Variants in NKAIN2 observed in about 807,000 individuals in gnomAD.
The protein encoded by NKAIN2 is sodium/potassium-transporting ATPase subunit beta-1-interacting protein 2.
NKAIN2 carries 14 observed loss-of-function variants against 32.6 expected under a neutral mutation model. That is an observed-to-expected ratio of 0.43 (90% CI 0.28 to 0.67). The LOEUF (loss-of-function observed/expected upper bound fraction) is 0.67, where lower values mean the gene tolerates loss of function less well. NKAIN2 is among the 30% of genes least tolerant of loss of function. The pLI is 0.17. For missense variants in NKAIN2, 198 were observed against 258.3 expected (o/e 0.77, Z 1.60); for synonymous variants, 80 against 87.2 (o/e 0.92, Z 0.46).
At chr6:124,069,082 C>A (rs1193828383) in intron 1 of NKAIN2, among the ~76,000 whole-genome samples, 1 of 152,072 alleles carries the variant, frequency 6.6e-6, no homozygotes, top group Admixed American at 6.6e-5. Flanking sequence ...ATTTTGAAAA[C>A]CTCTTTGGTT....
intron 1 of NKAIN2, among the ~76,000 whole-genome samples, chr6:123,946,727 A>C (rs1562271994): frequency 6.6e-6 from 1 of 152,130 alleles, no homozygotes; most frequent in Non-Finnish European, 1.5e-5. Context: ...TTAGATTTCT[A>C]GGGTTGATTT....
intron 1 of NKAIN2, among the ~76,000 whole-genome samples, chr6:124,249,170 A>C (rs192919160): frequency 1.3e-5 from 2 of 152,252 alleles, no homozygotes; most frequent in Non-Finnish European, 2.9e-5. Flanking sequence ...CTGTGTTACT[A>C]TGTAGCCACA....
intron 4 of NKAIN2, among the ~76,000 whole-genome samples, chr6:124,666,620 A>G (rs1038921096): frequency 6.6e-6 from 1 of 152,208 alleles, no homozygotes; most frequent in Non-Finnish European, 1.5e-5. Flanking sequence ...TCAACAGTAT[A>G]CAATTATCAT....
chr6:124,119,308 A>T (rs1355938223), intron 1 of NKAIN2, among the ~76,000 whole-genome samples: 2 of 152,184 alleles, frequency 1.3e-5, no homozygotes, highest in African/African-American at 4.8e-5. Context: ...GTATGTTCCT[A>T]TGTGACTCAT....
chr6:124,394,467 A>G (rs969832818), intron 3 of NKAIN2, among the ~76,000 whole-genome samples: 1 of 146,986 alleles, frequency 6.8e-6, no homozygotes, highest in African/African-American at 2.6e-5. Context: ...AGATAGATAG[A>G]TAGATAGATA....
intron 4 of NKAIN2, among the ~76,000 whole-genome samples, chr6:124,671,418 G>T (rs536842236): frequency 6.6e-6 from 1 of 152,192 alleles, no homozygotes; most frequent in South Asian, 2.1e-4. Context: ...CATCTAAGCT[G>T]TATATAAAAT....
intron 3 of NKAIN2, among the ~76,000 whole-genome samples, chr6:124,389,871 G>A (rs182625503): frequency 5.3e-5 from 8 of 151,962 alleles, no homozygotes; most frequent in Admixed American, 2.0e-4. Context: ...TTCCCTATCC[G>A]TGGCCTCACT....
At position 124,067,866 on chromosome 6, in the gene NKAIN2, C is replaced by G. The variant is rs569727826; in HGVS notation, c.55-215139C>G. On this transcript the variant is annotated intron_variant, in intron 1 of 6. Coordinates refer to ENST00000368417, the MANE Select transcript of NKAIN2 (RefSeq NM_001040214.3). ...TATGTATTGGGCACCTATTTTATGG[C>G]AGGCATGTGCATGTAAGTGTTAGAG... Among the ~76,000 whole-genome samples the G allele has an allele frequency of 2.6e-5, 4 of 152,214 alleles. No individual in the cohort carries two copies. The South Asian group carries it at 8.3e-4, about 32-fold the overall frequency.
intron 1 of NKAIN2, among the ~76,000 whole-genome samples, chr6:123,868,697 G>C (rs908379593): frequency 6.6e-6 from 1 of 152,158 alleles, no homozygotes; most frequent in Non-Finnish European, 1.5e-5. Context: ...GGCAAAGAGA[G>C]AAAAGTTGAT....
chr6:124,345,577 C>T (rs9388322), intron 2 of NKAIN2, among the ~76,000 whole-genome samples: 19,930 of 151,254 alleles, frequency 0.13, 1,413 homozygotes, highest in African/African-American at 0.19. Context: ...GTGTATGTGT[C>T]GAGGAATTTA....
intron 1 of NKAIN2, among the ~76,000 whole-genome samples, chr6:124,280,446 T>C (rs1197044428): frequency 1.3e-5 from 2 of 152,142 alleles, no homozygotes; most frequent in African/African-American, 2.4e-5. Context: ...AAAGGGGCCA[T>C]GCACAGAAGC....
rs895261598 is a variant in NKAIN2 at position 124,721,398 on chromosome 6, C to T, written c.474+63012C>T. Among the ~76,000 whole-genome samples the T allele has an allele frequency of 2.0e-3, 249 of 124,982 alleles. 1 individual carries two copies. Among genetic ancestry groups the T allele is most frequent in the African/African-American group, 7.2e-3 (228 of 31,732 alleles). 82.0% of individuals were successfully genotyped at this position (124,982 alleles called of 152,430 possible). On this transcript the variant is annotated intron_variant, in intron 4 of 6. Coordinates refer to ENST00000368417, the MANE Select transcript of NKAIN2 (RefSeq NM_001040214.3). ...CCGCCTGGGCGACAGAACGAGACTC[C>T]GTCTCAAAAAAAAAAAAAAAAAAGA... is the stretch of plus-strand genomic sequence containing the variant.
intron 3 of NKAIN2, among the ~76,000 whole-genome samples, chr6:124,368,190 C>T (rs1799605176): frequency 6.6e-6 from 1 of 152,112 alleles, no homozygotes; most frequent in African/African-American, 2.4e-5. Flanking sequence ...CAAAAGATCT[C>T]AATTTTCAGG....
intron 3 of NKAIN2, among the ~76,000 whole-genome samples, chr6:124,589,253 A>G (rs1225949158): frequency 3.3e-5 from 5 of 152,240 alleles, no homozygotes; most frequent in African/African-American, 9.6e-5. Context: ...GGTTTTATTC[A>G]TCATCAAGCC....
At chr6:124,088,120 G>C (rs934878812) in intron 1 of NKAIN2, among the ~76,000 whole-genome samples, 2 of 151,948 alleles carry the variant, frequency 1.3e-5, no homozygotes, top group Non-Finnish European at 2.9e-5. Flanking sequence ...CCAAAGATCT[G>C]TATGGCACAA....
intron 3 of NKAIN2, among the ~76,000 whole-genome samples, chr6:124,413,793 A>T (rs1223563373): frequency 6.6e-6 from 1 of 152,120 alleles, no homozygotes; most frequent in Non-Finnish European, 1.5e-5. Context: ...CATATTTTTG[A>T]TCATACTGGA....
At chr6:124,565,110 G>A (rs1313316463) in intron 3 of NKAIN2, among the ~76,000 whole-genome samples, 1 of 152,152 alleles carries the variant, frequency 6.6e-6, no homozygotes, top group African/African-American at 2.4e-5. Context: ...GGGGAAAGGG[G>A]TGTTGTTGAA....
intron 1 of NKAIN2, among the ~76,000 whole-genome samples, chr6:123,841,290 T>G (rs1195307113): frequency 6.6e-6 from 1 of 152,194 alleles, no homozygotes; most frequent in Non-Finnish European, 1.5e-5. Context: ...ACTTGAGATA[T>G]TCTTAATTCA....
intron 3 of NKAIN2, among the ~76,000 whole-genome samples, chr6:124,467,165 G>T (rs1351232132): frequency 6.6e-6 from 1 of 152,002 alleles, no homozygotes; most frequent in Non-Finnish European, 1.5e-5. Context: ...CATGATCCCA[G>T]ACCACTATGG....
Sources: gnomAD v4.1 joint callset for allele counts (sites outside exome capture counted in the v4.1 genomes callset) on GRCh38, gnomAD v4.1.1 for gene constraint, MANE v1.5 for transcripts, NCBI Gene and HGNC (gene_info 2026-07-23, HGNC 2026-07-21) for gene names.